The following ACBD6 variants were observed in gnomAD, a reference collection of about 807,000 sequenced individuals.
The protein encoded by ACBD6 is acyl-CoA-binding domain-containing protein 6.
A neutral mutation model predicts 37.2 loss-of-function variants in ACBD6; 28 were observed. The ratio of observed to expected loss-of-function variants is 0.75; its 90% CI spans 0.56 to 1.03. The LOEUF (loss-of-function observed/expected upper bound fraction) is 1.03, where lower values mean the gene tolerates loss of function less well. Ranked by LOEUF, ACBD6 falls within the 50% of genes least tolerant of loss-of-function variation. ACBD6 has a pLI of 0.00. For missense variants in ACBD6, 340 were observed against 337.4 expected (o/e 1.01, Z -0.06); for synonymous variants, 113 against 126.8 (o/e 0.89, Z 0.73).
chr1:180,351,741 T>G (rs1652427959), intron 6 of ACBD6, among the ~76,000 whole-genome samples: 1 of 152,116 alleles, frequency 6.6e-6, no homozygotes, highest in Non-Finnish European at 1.5e-5. Context: ...ATGGTGCACC[T>G]GCTGTGAAAA....
chr1:180,306,328 CACCTATGTTGTTCAAGGGTCA>C (rs1218622357), intron 7 of ACBD6, among the ~76,000 whole-genome samples: 1 of 152,010 alleles, frequency 6.6e-6, no homozygotes, highest in Non-Finnish European at 1.5e-5. Context: ...ACACAGTTCA[CACCTATGTTGTTCAAGGGTCA>C]ACTGTATATA....
intron 7 of ACBD6, among the ~76,000 whole-genome samples, chr1:180,290,467 G>A (rs1459521520): frequency 2.0e-5 from 3 of 152,180 alleles, no homozygotes; most frequent in Non-Finnish European, 4.4e-5. Flanking sequence ...ATACACCACT[G>A]CACCCGGCCC....
intron 6 of ACBD6, among the ~76,000 whole-genome samples, chr1:180,349,322 C>G (rs1044705480): frequency 6.0e-5 from 9 of 150,116 alleles, no homozygotes; most frequent in African/African-American, 2.2e-4. Context: ...CGCGGGCGAT[C>G]TCGGCTCACT....
intron 6 of ACBD6, among the ~76,000 whole-genome samples, chr1:180,335,847 G>A (rs1475625904): frequency 6.9e-6 from 1 of 144,324 alleles, no homozygotes; most frequent in Non-Finnish European, 1.6e-5. Context: ...ACAAAAAAAG[G>A]CAGGGGTTGC....
chr1:180,273,953 C>T, exon 11 of ACBD6: 1 of 572,122 alleles, frequency 1.7e-6, no homozygotes, highest in Non-Finnish European at 3.1e-6. Context: ...TTTGTCCATC[C>T]TTCTGGGACC....
intron 7 of ACBD6, among the ~76,000 whole-genome samples, chr1:180,311,185 T>A (rs564768439): frequency 6.6e-6 from 1 of 152,332 alleles, no homozygotes; most frequent in East Asian, 1.9e-4. Context: ...TTAGGATTCC[T>A]AAGCCATGAC....
At chr1:180,392,210 T>C (rs1260371625) in intron 6 of ACBD6, among the ~76,000 whole-genome samples, 1 of 152,044 alleles carries the variant, frequency 6.6e-6, no homozygotes, top group East Asian at 1.9e-4. Flanking sequence ...GTTCCAGGAA[T>C]GTTCTAATTT....
chr1:180,317,509 T>C (rs1361360130), intron 6 of ACBD6, among the ~76,000 whole-genome samples: 2 of 152,140 alleles, frequency 1.3e-5, no homozygotes, highest in Non-Finnish European at 2.9e-5. Flanking sequence ...AAATTCCAAA[T>C]ATATTTTACC....
chr1:180,319,751 A>G (rs1650981373), intron 6 of ACBD6, among the ~76,000 whole-genome samples: 1 of 152,238 alleles, frequency 6.6e-6, no homozygotes, highest in Non-Finnish European at 1.5e-5. Context: ...AAATGAGAAT[A>G]TGCAAAGTTT....
chr1:180,289,821 A>G (rs999189352), intron 7 of ACBD6, among the ~76,000 whole-genome samples: 1 of 152,254 alleles, frequency 6.6e-6, no homozygotes, highest in African/African-American at 2.4e-5. Flanking sequence ...AGAAGAATAC[A>G]TATGATATCA....
chr1:180,345,617 C>T (rs944496772), intron 6 of ACBD6, among the ~76,000 whole-genome samples: 1 of 152,048 alleles, frequency 6.6e-6, no homozygotes, highest in African/African-American at 2.4e-5. Flanking sequence ...TCCAACAACA[C>T]AGGGAAAGTT....
intron 1 of ACBD6, among the ~76,000 whole-genome samples, chr1:180,501,095 G>C (rs138072274): frequency 6.6e-6 from 1 of 152,230 alleles, no homozygotes; most frequent in Non-Finnish European, 1.5e-5. Context: ...ACTGAGTCAG[G>C]AGCTACAATC....
intron 3 of ACBD6, among the ~76,000 whole-genome samples, chr1:180,476,858 AAAC>A (rs1271572109): frequency 1.3e-5 from 2 of 152,100 alleles, no homozygotes; most frequent in Non-Finnish European, 2.9e-5. Context: ...CAAACAAAAA[AAAC>A]AAGAAAACTC....
At chr1:180,376,487 T>C (rs1389569572) in intron 6 of ACBD6, among the ~76,000 whole-genome samples, 2 of 151,968 alleles carry the variant, frequency 1.3e-5, no homozygotes, top group East Asian at 3.9e-4. Flanking sequence ...CATAAGGGAG[T>C]ACTATGCAGC....
At chr1:180,402,583 C>T (rs1200531203) in intron 5 of ACBD6, among the ~76,000 whole-genome samples, 1 of 152,092 alleles carries the variant, frequency 6.6e-6, no homozygotes, top group African/African-American at 2.4e-5. Context: ...TTTTGGAAGG[C>T]CAAAGCGGGC....
chr1:180,368,891 G>A (rs1310246798), intron 6 of ACBD6, among the ~76,000 whole-genome samples: 1 of 152,060 alleles, frequency 6.6e-6, no homozygotes, highest in African/African-American at 2.4e-5. Context: ...AACTGAAACT[G>A]CAGAAAGTGA....
At chr1:180,310,199 A>G (rs765764757) in intron 7 of ACBD6, among the ~76,000 whole-genome samples, 3 of 152,162 alleles carry the variant, frequency 2.0e-5, no homozygotes, top group Non-Finnish European at 4.4e-5. Context: ...GTCTCAACAA[A>G]AACAAAATAA....
chr1:180,379,048 C>A, intron 6 of ACBD6, among the ~76,000 whole-genome samples: 1 of 152,124 alleles, frequency 6.6e-6, no homozygotes, highest in East Asian at 1.9e-4. Context: ...CCAGGGTACA[C>A]CACCCTGGGG....
At chr1:180,356,925 T>C (rs1386425887) in intron 6 of ACBD6, among the ~76,000 whole-genome samples, 1 of 151,906 alleles carries the variant, frequency 6.6e-6, no homozygotes, top group Non-Finnish European at 1.5e-5. Context: ...TTCCTTATGG[T>C]TACACTTCTA....
Sources: gnomAD v4.1 joint callset for allele counts (sites outside exome capture counted in the v4.1 genomes callset) on GRCh38, gnomAD v4.1.1 for gene constraint, MANE v1.5 for transcripts, NCBI Gene and HGNC (gene_info 2026-07-23, HGNC 2026-07-21) for gene names.